The following RARB variants were observed in gnomAD, a reference collection of about 807,000 sequenced individuals.
RARB encodes HBV-activated protein.
In RARB, 17 loss-of-function variants were observed where a neutral mutation model predicts 51.9. The ratio of observed to expected loss-of-function variants is 0.33; its 90% CI spans 0.22 to 0.49. The LOEUF (loss-of-function observed/expected upper bound fraction) is 0.49, where lower values mean the gene tolerates loss of function less well. Ranked by LOEUF, RARB falls within the 20% of genes least tolerant of loss-of-function variation. The probability of loss-of-function intolerance (pLI) is 0.99; values close to 1 mark genes in which losing one functional copy is unlikely to be tolerated. For missense variants in RARB, 369 were observed against 550.8 expected, an observed-to-expected ratio of 0.67 and a Z score of 3.30; for synonymous variants, 215 against 195.4, an observed-to-expected ratio of 1.10 and a Z score of -0.84.
At chr3:24,982,080 T>C (rs1559421552) in intron 2 of RARB, among the ~76,000 whole-genome samples, 1 of 152,236 alleles carries the variant, frequency 6.6e-6, no homozygotes, top group Non-Finnish European at 1.5e-5. Context: ...TGATATTATA[T>C]ATCATCTGCC....
chr3:25,233,766 G>T (rs867182233), intron 5 of RARB, among the ~76,000 whole-genome samples: 51 of 135,640 alleles, frequency 3.8e-4, no homozygotes, highest in African/African-American at 1.2e-3. Context: ...TTTGGTTGTT[G>T]TTTTTTTTTT....
intron 2 of RARB, among the ~76,000 whole-genome samples, chr3:24,948,505 A>G (rs111399362): frequency 1.1e-4 from 16 of 152,324 alleles, no homozygotes; most frequent in African/African-American, 3.6e-4. Context: ...TAGACCTTCT[A>G]TTCATCCAGA....
intron 3 of RARB, among the ~76,000 whole-genome samples, chr3:25,082,367 C>A (rs1364047211): frequency 1.3e-5 from 2 of 151,890 alleles, no homozygotes; most frequent in Non-Finnish European, 2.9e-5. Flanking sequence ...ATTAATTCTT[C>A]TTTTTTCTGA....
chr3:25,402,444 C>G (rs1168492723), intron 5 of RARB, among the ~76,000 whole-genome samples: 1 of 152,168 alleles, frequency 6.6e-6, no homozygotes, highest in African/African-American at 2.4e-5. Flanking sequence ...CTAGCAATCC[C>G]ACTGCTAGGT....
Position 25,393,696 on chromosome 3 carries a change from C to T in RARB, c.179-67497C>T, listed in dbSNP as rs537270141. ...ACATAAAGGTGTTCTAGTTTGTGCA[C>T]GTGAAGGTGTTCATAGTAGCCTTGA... On this transcript the variant is annotated intron_variant, in intron 5 of 11. Coordinates refer to the RARB transcript ENST00000383772. Among the ~76,000 whole-genome samples the T allele has an allele frequency of 7.0e-4, 106 of 151,932 alleles. 1 individual carries two copies. Among genetic ancestry groups the T allele is most frequent in the African/African-American group, 2.1e-3 (86 of 41,528 alleles).
At chr3:24,916,104 C>G (rs1025906777) in intron 2 of RARB, among the ~76,000 whole-genome samples, 5 of 152,136 alleles carry the variant, frequency 3.3e-5, no homozygotes, top group Admixed American at 3.3e-4. Flanking sequence ...TAGTTTACTT[C>G]TGTGTAATGA....
intron 5 of RARB, among the ~76,000 whole-genome samples, chr3:25,262,807 G>T (rs1288240899): frequency 3.3e-5 from 5 of 152,110 alleles, no homozygotes; most frequent in Admixed American, 2.6e-4. Context: ...GTAGGACTTG[G>T]ACATCTTTGG....
At chr3:25,198,475 G>A (rs756526252) in intron 5 of RARB, among the ~76,000 whole-genome samples, 3 of 152,036 alleles carry the variant, frequency 2.0e-5, no homozygotes, top group Non-Finnish European at 2.9e-5. Context: ...TCAACAAAGT[G>A]AAGAGACAAC....
intron 5 of RARB, among the ~76,000 whole-genome samples, chr3:25,590,844 C>G (rs1453014903): frequency 6.6e-6 from 1 of 152,192 alleles, no homozygotes; most frequent in Non-Finnish European, 1.5e-5. Flanking sequence ...AATGTTTCTC[C>G]AGGTAGTTGA....
chr3:24,947,019 G>A (rs756535296), intron 2 of RARB, among the ~76,000 whole-genome samples: 2 of 152,134 alleles, frequency 1.3e-5, no homozygotes, highest in South Asian at 2.1e-4. Context: ...TATAGGAAAC[G>A]TGACCTTTGA....
At position 24,859,480 on chromosome 3, in the gene RARB, C is replaced by G. The variant is rs866649907; in HGVS notation, c.-380+728C>G. On this transcript the variant is annotated intron_variant, in intron 2 of 11. Coordinates refer to the RARB transcript ENST00000383772. ...TACTCACCTGGAAGTTAAACAGACT[C>G]TTCTAAAGCAGCTCTCTTGCTTTAG... is the stretch of plus-strand genomic sequence containing the variant. Among the ~76,000 whole-genome samples the G allele has an allele frequency of 3.9e-5, 6 of 152,204 alleles. No individual in the cohort carries two copies. In the South Asian group the frequency reaches 1.2e-3, roughly 32 times the overall value.
chr3:24,950,207 C>T (rs779825658), intron 2 of RARB, among the ~76,000 whole-genome samples: 5 of 152,200 alleles, frequency 3.3e-5, no homozygotes, highest in East Asian at 3.9e-4. Flanking sequence ...TAAAAACTGC[C>T]GTCTATAAAT....
intron 2 of RARB, among the ~76,000 whole-genome samples, chr3:24,938,058 A>C (rs890541696): frequency 3.3e-5 from 5 of 152,008 alleles, no homozygotes; most frequent in African/African-American, 1.2e-4. Flanking sequence ...ACACACTCTT[A>C]ATGATTTGCA....
intron 4 of RARB, among the ~76,000 whole-genome samples, chr3:25,152,372 G>A (rs764615193): frequency 3.9e-5 from 6 of 152,156 alleles, no homozygotes; most frequent in Non-Finnish European, 7.4e-5. Flanking sequence ...TATAAAGCAG[G>A]TTAGCAGTTG....
chr3:25,332,795 A>G (rs1704942272), intron 5 of RARB, among the ~76,000 whole-genome samples: 1 of 152,202 alleles, frequency 6.6e-6, no homozygotes, highest in Non-Finnish European at 1.5e-5. Context: ...TCAGCCCAAA[A>G]TCTCCTTAAG....
chr3:25,136,362 C>T (rs1700031807), intron 4 of RARB, among the ~76,000 whole-genome samples: 2 of 151,966 alleles, frequency 1.3e-5, no homozygotes, highest in South Asian at 4.1e-4. Flanking sequence ...TCCAACCATT[C>T]CCAGCAATGG....
intron 2 of RARB, among the ~76,000 whole-genome samples, chr3:24,943,165 A>T (rs186805615): frequency 1.6e-3 from 239 of 152,310 alleles, no homozygotes; most frequent in Non-Finnish European, 3.1e-3. Context: ...GGGTAATCTT[A>T]ATTGTTAGTA....
intron 5 of RARB, among the ~76,000 whole-genome samples, chr3:25,274,394 C>T (rs917328420): frequency 3.3e-5 from 5 of 152,160 alleles, no homozygotes; most frequent in Non-Finnish European, 7.3e-5. Flanking sequence ...TTCACAAGCA[C>T]CTCACATGCT....
intron 2 of RARB, among the ~76,000 whole-genome samples, chr3:24,898,273 C>A (rs1306102934): frequency 1.3e-5 from 2 of 150,580 alleles, no homozygotes; most frequent in Non-Finnish European, 3.0e-5. Flanking sequence ...TGTGAAATAG[C>A]CTGCAAAATA....
Sources: allele counts gnomAD v4.1 joint callset (sites outside exome capture counted in the v4.1 genomes callset), GRCh38; gene constraint gnomAD v4.1.1; transcripts MANE v1.5; gene names NCBI Gene and HGNC (gene_info 2026-07-23, HGNC 2026-07-21).